Variants in NFIB observed in about 807,000 individuals in gnomAD.
The protein encoded by NFIB is nuclear factor I B.
Under a neutral mutation model 61.5 loss-of-function variants are expected in NFIB, and 11 were observed. That is an observed-to-expected ratio of 0.18 (90% CI 0.11 to 0.30). NFIB has a LOEUF of 0.30. Ranked by LOEUF, NFIB falls within the 10% of genes least tolerant of loss-of-function variation. The pLI is 1.00. For missense variants in NFIB, 471 were observed against 608.9 expected (o/e 0.77, Z 2.38); for synonymous variants, 260 against 216.5 (o/e 1.20, Z -1.76).
intron 6 of NFIB, among the ~76,000 whole-genome samples, chr9:14,128,302 T>G (rs2039948945): frequency 6.6e-6 from 1 of 152,212 alleles, no homozygotes; most frequent in Non-Finnish European, 1.5e-5. Context: ...ACTCTTCTGC[T>G]TTACCTATGT....
At chr9:14,496,879 C>T in the NFIB span, among the ~76,000 whole-genome samples, 9 of 152,198 alleles carry the variant, frequency 5.9e-5, no homozygotes, top group East Asian at 1.2e-3. Flanking sequence ...AAATGGTCTA[C>T]GCTTCCTGCT....
intron 1 of NFIB, among the ~76,000 whole-genome samples, chr9:14,340,914 C>T (rs10738359): frequency 0.96 from 145,784 of 151,792 alleles, 70,259 homozygotes; most frequent in Non-Finnish European, 1. Flanking sequence ...TGACCAGTGT[C>T]GGGGTTGGGT....
chr9:14,385,332 AC>A (rs2061537136), intron 1 of NFIB, among the ~76,000 whole-genome samples: 1 of 152,218 alleles, frequency 6.6e-6, no homozygotes, highest in Non-Finnish European at 1.5e-5. Context: ...GATATCACTA[AC>A]TTTCAAACTG....
At position 14,373,601 on chromosome 9, in the gene NFIB, C is replaced by G. The variant is rs1024035243; in HGVS notation, c.108+24923G>C. 4.8e-4 allele frequency among the ~76,000 whole-genome samples: 71 copies of G among 148,638 alleles called. 1 individual carries two copies. Among genetic ancestry groups the G allele is most frequent in the Non-Finnish European group, 1.0e-3 (68 of 67,354 alleles). ...GCAACTCTTTGTTCTTTTACAGTTT[C>G]TTGTAGAAAGACATTTAAAGGGCTG... is the stretch of plus-strand genomic sequence containing the variant. On this transcript the variant is annotated intron_variant, in intron 1 of 8. Transcript: ENST00000380934.
At chr9:14,138,411 T>C (rs1456703529) in intron 6 of NFIB, among the ~76,000 whole-genome samples, 1 of 152,064 alleles carries the variant, frequency 6.6e-6, no homozygotes, top group African/African-American at 2.4e-5. Context: ...ACAAATATAA[T>C]CTATGGACTA....
intron 6 of NFIB, among the ~76,000 whole-genome samples, chr9:14,131,130 T>C (rs1037434577): frequency 6.6e-6 from 1 of 152,194 alleles, no homozygotes; most frequent in African/African-American, 2.4e-5. Context: ...AAGATTCACA[T>C]TGATGGTGTT....
intron 6 of NFIB, among the ~76,000 whole-genome samples, chr9:14,127,989 C>A (rs2039896495): frequency 6.7e-6 from 1 of 148,504 alleles, no homozygotes; most frequent in African/African-American, 2.5e-5. Flanking sequence ...CAATTAATGC[C>A]ACTATAAAAA....
At chr9:14,527,085 G>T in the NFIB span, among the ~76,000 whole-genome samples, 80,373 of 151,964 alleles carry the variant, frequency 0.53, 21,630 homozygotes, top group Middle Eastern at 0.58. Flanking sequence ...CTTGGAAGAA[G>T]ATTAATGTAT....
the NFIB span, among the ~76,000 whole-genome samples, chr9:14,430,046 T>C: frequency 6.6e-6 from 1 of 152,338 alleles, no homozygotes; most frequent in Non-Finnish European, 1.5e-5. Flanking sequence ...GAAAATATTG[T>C]AATATAAACC....
the NFIB span, among the ~76,000 whole-genome samples, chr9:14,416,160 C>A: frequency 0.21 from 31,271 of 152,112 alleles, 3,737 homozygotes; most frequent in African/African-American, 0.33. Flanking sequence ...ACCACATAAC[C>A]ACTTTTAGGT....
At chr9:14,314,602 T>TA (rs1180819041), upstream of NFIB, 31 of 151,842 alleles carry the variant, frequency 2.0e-4, no homozygotes, top group Admixed American at 2.0e-3. Context: ...AAATCAGACT[T>TA]AAGGATTGTT....
chr9:14,276,502 T>C (rs576781990), intron 2 of NFIB, among the ~76,000 whole-genome samples: 1 of 152,298 alleles, frequency 6.6e-6, no homozygotes, highest in East Asian at 1.9e-4. Flanking sequence ...CAAATGTACC[T>C]TTCTCAGAGA....
At chr9:14,153,057 A>T (rs2043030327) in intron 4 of NFIB, among the ~76,000 whole-genome samples, 1 of 152,130 alleles carries the variant, frequency 6.6e-6, no homozygotes. Flanking sequence ...AGAAATGATA[A>T]ATGTTTGAGA....
chr9:14,246,130 C>T (rs975236585), intron 2 of NFIB, among the ~76,000 whole-genome samples: 11 of 151,608 alleles, frequency 7.3e-5, no homozygotes, highest in Non-Finnish European at 1.3e-4. Flanking sequence ...GGGTTAGACT[C>T]TAAGCTCTCT....
chr9:14,268,937 A>G (rs1213422754), intron 2 of NFIB, among the ~76,000 whole-genome samples: 1 of 152,234 alleles, frequency 6.6e-6, no homozygotes. Flanking sequence ...ACCTAGGTAC[A>G]GTACAACCAT....
At chr9:14,372,225 G>T (rs1015724587) in intron 1 of NFIB, among the ~76,000 whole-genome samples, 1 of 151,678 alleles carries the variant, frequency 6.6e-6, no homozygotes. Context: ...GCTCTGGCTT[G>T]CTTTGTTCAT....
At chr9:14,399,608 C>T (rs575710884), upstream of NFIB, among the ~76,000 whole-genome samples, 1 of 152,096 alleles carries the variant, frequency 6.6e-6, no homozygotes, top group Non-Finnish European at 1.5e-5. Context: ...GTCTCCCTGC[C>T]CCCAGAAGAG....
In NFIB at chr9:14,103,510, C is replaced by G. The variant is rs76826018; in HGVS notation, c.1467+9489G>C. ...CAGATGATGACTGGAACCAAAGTAC[C>G]ATAAATTATCATAAACTTAAAATTT... On this transcript the variant is annotated intron_variant, in intron 10 of 10. Coordinates refer to ENST00000380953, the MANE Select transcript of NFIB (RefSeq NM_001190737.2). Among the ~76,000 whole-genome samples the G allele has an allele frequency of 2.0e-3, 310 of 152,126 alleles. 5 individuals are homozygous for G. In the East Asian group the frequency reaches 0.03, roughly 15 times the overall value.
At chr9:14,187,515 C>A (rs936274292) in intron 2 of NFIB, among the ~76,000 whole-genome samples, 1 of 152,154 alleles carries the variant, frequency 6.6e-6, no homozygotes, top group African/African-American at 2.4e-5. Context: ...TTAAGATCTT[C>A]ATGATAAAGT....
Sources: allele counts gnomAD v4.1 joint callset (sites outside exome capture counted in the v4.1 genomes callset), GRCh38; gene constraint gnomAD v4.1.1; transcripts MANE v1.5; gene names NCBI Gene and HGNC (gene_info 2026-07-23, HGNC 2026-07-21).